Variants in LRP4 observed in about 807,000 individuals in gnomAD.
LRP4 encodes the protein low-density lipoprotein receptor-related protein 4.
In LRP4, 95 loss-of-function variants were observed where a neutral mutation model predicts 220.3. That is an observed-to-expected ratio of 0.43 (90% CI 0.37 to 0.51). The LOEUF (loss-of-function observed/expected upper bound fraction) is 0.51, where lower values mean the gene tolerates loss of function less well. Among genes scored for constraint, LRP4 ranks in the 20% least tolerant of loss-of-function variants. The pLI is 0.00. For synonymous variants in LRP4, 903 were observed against 954.6 expected (o/e 0.95, Z 1.00); for missense variants, 1,925 against 2,567.0 (o/e 0.75, Z 5.40).
In LRP4 at chr11:46,899,281, A is replaced by G; in HGVS notation, c.547+106T>C. On this transcript the variant is annotated intron_variant, in intron 5 of 37. Transcript: ENST00000378623. The surrounding 1 kb of genome is among the most constrained non-coding windows in gnomAD (Gnocchi z 5.9). ...AGGAGGAGCTGCTGCTGAGGCACCC[A>G]TGCTCCTTGCCCTTGGTACATGCAC... The G allele has an allele frequency of 2.0e-6, 2 of 1,008,686 alleles. No individual in the cohort carries two copies. The highest frequency in any genetic ancestry group is 3.1e-6 in the Non-Finnish European group (2 of 635,154). The allele number at this position is 1,008,686 out of a possible 1,614,324, so 62.5% of individuals were successfully genotyped here.
rs139988882 is a variant in LRP4 at position 46,896,304 on chromosome 11, C to G, written c.954G>C (p.Leu318=). The stretch of plus-strand genomic sequence containing the variant: ...GCCCAATGCAGCGCCCATTCCAACA[C>G]AGGAACTGGTCCAAGGCACATTGGG... ...GSPQCALDQF[L]CWNGRCIGQR... The change falls in exon 9 of 38, where the codon CTG becomes CTC. Residue 318 remains leucine (L), a synonymous_variant. Transcript: ENST00000378623. The G allele has an allele frequency of 1.2e-6, 2 of 1,614,034 alleles. No homozygotes were observed. Among genetic ancestry groups the G allele is most frequent in the Non-Finnish European group, 1.7e-6 (2 of 1,180,058 alleles).
chr11:46,875,397 T>G lies in LRP4; in HGVS notation c.3925+59A>C. On this transcript the variant is annotated intron_variant, in intron 27 of 37. Transcript: ENST00000378623. This position sits in a 1 kb window ranked among gnomAD's most constrained non-coding sequence, Gnocchi z 4.5. ...TGTGCTCTGGATATATCTCTGATGT[T>G]GAGATGGCCCCAGAAAGCCAGAGGC... is the stretch of plus-strand genomic sequence containing the variant. 2.5e-5 allele frequency: 35 copies of G among 1,428,306 alleles called. No homozygotes were observed. Among genetic ancestry groups the G allele is most frequent in the Non-Finnish European group, 3.4e-5 (35 of 1,014,746 alleles). The allele number at this position is 1,428,306 out of a possible 1,614,324, so 88.5% of individuals were successfully genotyped here.
At chr11:46,876,663 G>GGCTCC in intron 24 of LRP4, 26 bp from the exon 25 acceptor site, 1 of 1,614,164 alleles carries the variant, frequency 6.2e-7, no homozygotes, top group Non-Finnish European at 8.5e-7. Context: ...AGAGCACACT[G>GGCTCC]GCTCCTATTT....
chr11:46,900,297 T>A lies in LRP4; in HGVS notation c.281A>T (p.Asn94Ile), dbSNP rs759355938. The A allele has an allele frequency of 6.2e-7, 1 of 1,613,982 alleles. No homozygotes were observed. The highest frequency in any genetic ancestry group is 2.2e-5 in the East Asian group (1 of 44,892). Residue 94 changes from asparagine (N) to isoleucine (I), a missense_variant, in exon 3 of 38, where the codon AAC becomes ATC. Asn to Ile is a moderately radical substitution (Grantham distance 149). Coordinates refer to ENST00000378623, the MANE Select transcript of LRP4 (RefSeq NM_002334.4). Reference protein sequence around the residue: ...IRRSWVCDGDNDCEDDSDEQD... With the variant: ...IRRSWVCDGDIDCEDDSDEQD... ...CTCATCCGAGTCATCCTCACAGTCG[T>A]TGTCCCCGTCACACACCCAGGAGCG... is the stretch of plus-strand genomic sequence containing the variant.
intron 1 of LRP4, among the ~76,000 whole-genome samples, chr11:46,910,053 A>G (rs900043291): frequency 4.6e-5 from 7 of 152,182 alleles, no homozygotes; most frequent in African/African-American, 1.7e-4. Flanking sequence ...TGGTTTGGAA[A>G]ATCTACCAGG....
rs1470893503 is a variant in LRP4, at chr11:46,859,292, G to C, written c.5409C>G (p.Thr1803=). The C allele has an allele frequency of 1.2e-6, 2 of 1,614,026 alleles. No homozygotes were observed. ...KKEGGPDHNY[T]KEKIKIVEGI... is the part of the protein sequence containing the mutation. ...CCTCTACGATCTTGATCTTCTCCTT[G>C]GTGTAGTTATGGTCAGGCCCTCCCT... The change falls in exon 38 of 38, where the codon ACC becomes ACG. Residue 1803 remains threonine (T), a synonymous_variant. Transcript: ENST00000378623.
rs753844492 is a variant in LRP4 at position 46,873,638 on chromosome 11, A to G, written c.4230-45T>C. On this transcript the variant is annotated intron_variant, in intron 28 of 37. Coordinates refer to ENST00000378623, the MANE Select transcript of LRP4 (RefSeq NM_002334.4). The surrounding 1 kb of genome is among the most constrained non-coding windows in gnomAD (Gnocchi z 4.2). Reference sequence around the variant, plus strand: ...TGGATGAGCAACCAGACTGACCCAGAATAGAGTAGAACTTTAACCCATGTT... The same window carrying G: ...TGGATGAGCAACCAGACTGACCCAGGATAGAGTAGAACTTTAACCCATGTT... The G allele has an allele frequency of 6.6e-7, 1 of 1,510,938 alleles. No individual in the cohort carries two copies. Among genetic ancestry groups the G allele is most frequent in the Non-Finnish European group, 9.1e-7 (1 of 1,095,876 alleles). The allele number at this position is 1,510,938 out of a possible 1,614,324, so 93.6% of individuals were successfully genotyped here. A position where few individuals can be genotyped will look rare whatever the true frequency, so the allele number is the denominator to read the frequency against.
intron 10 of LRP4, 93 bp downstream of exon 10, chr11:46,895,791 C>T (rs1054613977): frequency 3.2e-6 from 5 of 1,558,742 alleles, no homozygotes; most frequent in African/African-American, 1.4e-5. Context: ...TGAGGTCACA[C>T]CGTTCAAATG....
At chr11:46,917,406 G>T (rs141661216) in intron 1 of LRP4, among the ~76,000 whole-genome samples, 1 of 152,254 alleles carries the variant, frequency 6.6e-6, no homozygotes, top group African/African-American at 2.4e-5. Context: ...GCTCAATCAC[G>T]GGGTGCACCC....
rs1349045181 is a variant in LRP4, at chr11:46,905,847, C to T, written c.53-2918G>A. Among the ~76,000 whole-genome samples the T allele has an allele frequency of 5.5e-5, 8 of 144,386 alleles. 1 individual carries two copies. The highest frequency in any genetic ancestry group is 3.5e-3 in the Middle Eastern group (1 of 282). 94.7% of individuals were successfully genotyped at this position (144,386 alleles called of 152,430 possible). A position where few individuals can be genotyped will look rare whatever the true frequency, so the allele number is the denominator to read the frequency against. On this transcript the variant is annotated intron_variant, in intron 1 of 37. Coordinates refer to ENST00000378623, the MANE Select transcript of LRP4 (RefSeq NM_002334.4). The stretch of plus-strand genomic sequence containing the variant: ...AACCTGGGCAACAGGAGCGAAACTC[C>T]GTCTCAAAAAAAAAAAAAAAAATCT...
rs755103149 is a variant in LRP4, at chr11:46,859,284, T to C, written c.5417A>G (p.Lys1806Arg). ...GCAGATTCCCTCTACGATCTTGATC[T>C]TCTCCTTGGTGTAGTTATGGTCAGG... ...GGPDHNYTKE[K>R]IKIVEGICLL... The change falls in exon 38 of 38, where the codon AAG (lysine) becomes AGG (arginine). Residue 1806 changes from lysine (K) to arginine (R), a missense_variant. Around this residue, in one of 3 missense-constraint regions of LRP4, gnomAD observed 1,244 missense variants for 1,624.9 expected, o/e 0.77. Transcript: ENST00000378623. 1 of 1,614,110 alleles carries C rather than the reference T, an allele frequency of 6.2e-7. No individual in the cohort carries two copies. The highest frequency in any genetic ancestry group is 8.5e-7 in the Non-Finnish European group (1 of 1,180,022).
At position 46,896,337 on chromosome 11, in the gene LRP4, TAG is replaced by T; in HGVS notation, c.923-4_923-3del. ...GGTCCAAGGCACATTGGGGGCTTCC[TAG>T]AGAGATGGAGGGTCAGGTCATAGCA... is the stretch of plus-strand genomic sequence containing the variant. On this transcript the variant is annotated splice_polypyrimidine_tract_variant and splice_region_variant and intron_variant, in intron 8 of 37. Transcript: ENST00000378623. 1 of 1,613,414 alleles carries T rather than the reference TAG, an allele frequency of 6.2e-7. No individual in the cohort carries two copies. Among genetic ancestry groups the T allele is most frequent in the Non-Finnish European group, 8.5e-7 (1 of 1,179,966 alleles).
At chr11:46,865,321 G>A in intron 34 of LRP4, 135 bp from the exon 35 acceptor site, 1 of 715,158 alleles carries the variant, frequency 1.4e-6, no homozygotes, top group South Asian at 1.5e-5. Context: ...GACATCAGAA[G>A]CATGGAGAGG....
chr11:46,900,013 G>A, intron 3 of LRP4, 37 bp from the exon 4 acceptor site: 1 of 1,518,206 alleles, frequency 6.6e-7, no homozygotes, highest in Non-Finnish European at 9.1e-7. Flanking sequence ...TGCAGGCAGT[G>A]GGGGTCTGGT....
In LRP4 at chr11:46,858,725, G is replaced by A; in HGVS notation, c.*258C>T. 1.9e-6 allele frequency: 1 copy of A among 520,234 alleles called. No individual in the cohort carries two copies. 32.2% of individuals were successfully genotyped at this position (520,234 alleles called of 1,614,324 possible). A position where few individuals can be genotyped will look rare whatever the true frequency, so the allele number is the denominator to read the frequency against. On this transcript the variant is annotated 3_prime_UTR_variant, in exon 38 of 38. Coordinates refer to ENST00000378623, the MANE Select transcript of LRP4 (RefSeq NM_002334.4). ...GAATCACGAATAAGCAGTTTCAGGG[G>A]GCCCAGGATGGAGTACAAGATGTGA...
chr11:46,861,027 ACTATTTTCATTG>A, intron 37 of LRP4: 1 of 871,088 alleles, frequency 1.1e-6, no homozygotes, highest in Non-Finnish European at 1.4e-6. Flanking sequence ...AAGAGGTCAC[ACTATTTTCATTG>A]CTATCCTGTG....
chr11:46,893,388 T>A (rs1941462564), intron 12 of LRP4, among the ~76,000 whole-genome samples: 1 of 152,162 alleles, frequency 6.6e-6, no homozygotes, highest in South Asian at 2.1e-4. Flanking sequence ...CAACCATACA[T>A]CACTTTCTGA....
chr11:46,862,212 C>T (rs972698058), intron 37 of LRP4, among the ~76,000 whole-genome samples: 10 of 151,936 alleles, frequency 6.6e-5, no homozygotes, highest in Non-Finnish European at 1.2e-4. Flanking sequence ...TAGTAATGGG[C>T]GAGTCCAGGA....
At chr11:46,874,088 G>A (rs1412557732) in intron 28 of LRP4, 2 of 174,452 alleles carry the variant, frequency 1.1e-5, no homozygotes, top group Admixed American at 5.4e-5. Context: ...TTATAGGCGC[G>A]AGCTACCACG....
Sources: gnomAD v4.1 joint callset for allele counts (sites outside exome capture counted in the v4.1 genomes callset) on GRCh38, gnomAD v4.1.1 for gene constraint, gnomAD v4.1.1 regional missense constraint, Gnocchi (gnomAD v3.1) non-coding constraint, MANE v1.5 for transcripts, NCBI Gene and HGNC (gene_info 2026-07-23, HGNC 2026-07-21) for gene names.